Variants in SNX6 observed in about 807,000 individuals in gnomAD.
SNX6 encodes the protein sorting nexin-6.
In SNX6, 34 loss-of-function variants were observed where a neutral mutation model predicts 63.0. That is an observed-to-expected ratio of 0.54 (90% confidence interval 0.41 to 0.72). SNX6 has a LOEUF of 0.72. Among genes scored for constraint, SNX6 ranks in the 30% least tolerant of loss-of-function variants. SNX6 has a pLI of 0.00. For synonymous variants in SNX6, 170 were observed against 164.2 expected (o/e 1.04, Z -0.27); for missense variants, 398 against 471.4 (o/e 0.84, Z 1.44).
intron 7 of SNX6, among the ~76,000 whole-genome samples, chr14:34,595,223 C>G (rs1882552501): frequency 6.6e-6 from 1 of 152,210 alleles, no homozygotes; most frequent in Non-Finnish European, 1.5e-5. Context: ...CAACCTCTGC[C>G]TCCGGGGTTC....
At chr14:34,615,522 A>G (rs1336768352) in intron 2 of SNX6, among the ~76,000 whole-genome samples, 1 of 152,176 alleles carries the variant, frequency 6.6e-6, no homozygotes, top group Non-Finnish European at 1.5e-5. Context: ...GCACCTGGCT[A>G]AATTCTCTCT....
chr14:34,597,105 G>C (rs555216723), intron 7 of SNX6, among the ~76,000 whole-genome samples: 41 of 152,358 alleles, frequency 2.7e-4, no homozygotes, highest in African/African-American at 9.6e-4. Flanking sequence ...GCATCTAGGA[G>C]GACTTCATGT....
chr14:34,624,809 A>T (rs555432451), intron 2 of SNX6, among the ~76,000 whole-genome samples: 124 of 151,650 alleles, frequency 8.2e-4, no homozygotes, highest in African/African-American at 2.3e-3. Flanking sequence ...AAAAAAAAAA[A>T]TTTTTTTTGC....
chr14:34,607,235 A>T (rs1883054828), intron 4 of SNX6, among the ~76,000 whole-genome samples: 1 of 152,224 alleles, frequency 6.6e-6, no homozygotes. Flanking sequence ...AAAAGGTGGT[A>T]ACGAAACATG....
intron 6 of SNX6, among the ~76,000 whole-genome samples, chr14:34,599,382 A>C (rs1882717570): frequency 6.6e-6 from 1 of 152,090 alleles, no homozygotes; most frequent in Non-Finnish European, 1.5e-5. Context: ...AAGGCGGGTG[A>C]ATCACCTGAG....
intron 11 of SNX6, among the ~76,000 whole-genome samples, chr14:34,573,695 A>T (rs940245110): frequency 6.6e-6 from 1 of 151,772 alleles, no homozygotes; most frequent in Non-Finnish European, 1.5e-5. Flanking sequence ...CTGGAATGCA[A>T]TGGCGCGGTC....
intron 11 of SNX6, 109 bp from the exon 12 acceptor site, chr14:34,568,122 A>T: frequency 2.3e-6 from 2 of 888,566 alleles, no homozygotes. Context: ...CACATAGTGA[A>T]TACTACATGC....
At chr14:34,595,910 C>T (rs987885185) in intron 7 of SNX6, among the ~76,000 whole-genome samples, 3 of 152,020 alleles carry the variant, frequency 2.0e-5, no homozygotes, top group Non-Finnish European at 4.4e-5. Context: ...ATTTTTAGAA[C>T]ATCATTAAGA....
chr14:34,615,671 C>T (rs377607437), intron 2 of SNX6, among the ~76,000 whole-genome samples: 8 of 151,296 alleles, frequency 5.3e-5, no homozygotes, highest in Non-Finnish European at 8.9e-5. Context: ...TGGAGTGCAG[C>T]GGTGCAATCA....
intron 2 of SNX6, among the ~76,000 whole-genome samples, chr14:34,623,621 C>T (rs1883709972): frequency 6.6e-6 from 1 of 152,092 alleles, no homozygotes; most frequent in Non-Finnish European, 1.5e-5. Context: ...GAACCAAGCA[C>T]ATGAAAGATG....
intron 2 of SNX6, among the ~76,000 whole-genome samples, chr14:34,612,558 C>A (rs1475535328): frequency 6.6e-6 from 1 of 151,972 alleles, no homozygotes; most frequent in Admixed American, 6.6e-5. Flanking sequence ...CTCAACCTCC[C>A]GAGTAGCTAG....
intron 10 of SNX6, among the ~76,000 whole-genome samples, chr14:34,576,144 C>T (rs1463611035): frequency 6.6e-6 from 1 of 151,790 alleles, no homozygotes; most frequent in Non-Finnish European, 1.5e-5. Flanking sequence ...CCAGGATGGT[C>T]TCAATCTCCT....
intron 8 of SNX6, among the ~76,000 whole-genome samples, chr14:34,589,452 C>G (rs1243919386): frequency 6.6e-6 from 1 of 151,762 alleles, no homozygotes; most frequent in Non-Finnish European, 1.5e-5. Context: ...CTCTGTCTCA[C>G]AAAAACAAAA....
At chr14:34,589,989 G>A (rs939841532) in intron 8 of SNX6, among the ~76,000 whole-genome samples, 4 of 152,052 alleles carry the variant, frequency 2.6e-5, no homozygotes, top group African/African-American at 4.8e-5. Context: ...GCATGGTGGC[G>A]CATGCCTGTG....
At chr14:34,600,401 A>C (rs907584782) in intron 6 of SNX6, among the ~76,000 whole-genome samples, 1 of 151,362 alleles carries the variant, frequency 6.6e-6, no homozygotes, top group South Asian at 2.1e-4. Context: ...TTGGGATTAC[A>C]GGAATGAGCC....
At chr14:34,566,384 T>A (rs181536596) in intron 13 of SNX6, among the ~76,000 whole-genome samples, 46 of 152,290 alleles carry the variant, frequency 3.0e-4, no homozygotes, top group African/African-American at 1.0e-3. Context: ...AGCTAATTTT[T>A]ATATTTTTAG....
intron 2 of SNX6, among the ~76,000 whole-genome samples, chr14:34,621,182 A>C (rs1380193645): frequency 1.3e-5 from 2 of 152,030 alleles, no homozygotes; most frequent in Non-Finnish European, 2.9e-5. Context: ...CCTGGGCTCA[A>C]GTGATCCTCT....
At chr14:34,604,757 A>T (rs1370791205) in intron 5 of SNX6, among the ~76,000 whole-genome samples, 1 of 152,036 alleles carries the variant, frequency 6.6e-6, no homozygotes, top group East Asian at 1.9e-4. Context: ...AAAATCTGAA[A>T]TTTTTTAAAT....
In SNX6 at chr14:34,577,611, T is replaced by C. The variant is rs115953069; in HGVS notation, c.835-1769A>G. Among the ~76,000 whole-genome samples, 184 of 152,230 alleles carry C rather than the reference T, an allele frequency of 1.2e-3. 1 individual carries two copies. Among genetic ancestry groups the C allele is most frequent in the African/African-American group, 4.1e-3 (169 of 41,550 alleles). ...AAGTAGCCAGGTCAGACTAAAAAGA[T>C]AGCTCTTCAGTATGACGGGACAGAG... On this transcript the variant is annotated intron_variant, in intron 10 of 13. Transcript: ENST00000362031.
Sources: gnomAD v4.1 joint callset for allele counts (sites outside exome capture counted in the v4.1 genomes callset) on GRCh38, gnomAD v4.1.1 for gene constraint, MANE v1.5 for transcripts, NCBI Gene and HGNC (gene_info 2026-07-23, HGNC 2026-07-21) for gene names.